PAH: variants seen among roughly 807,000 people sequenced by gnomAD.
PAH encodes the protein phenylalanine-4-hydroxylase.
A neutral mutation model predicts 62.0 loss-of-function variants in PAH; 64 were observed. The observed-to-expected ratio is 1.03, with a 90% CI of 0.84 to 1.27. The LOEUF (loss-of-function observed/expected upper bound fraction) is 1.27, where lower values mean the gene tolerates loss of function less well. Ranked by LOEUF, PAH falls within the 50% of genes most tolerant of loss-of-function variation. The pLI, the probability that PAH is intolerant of heterozygous loss-of-function variation, is 0.00. For missense variants in PAH, 579 were observed against 542.8 expected (o/e 1.07, Z -0.66); for synonymous variants, 195 against 196.2 (o/e 0.99, Z 0.05).
At chr12:102,867,389 GCAGCC>G (rs1876025744) in intron 4 of PAH, among the ~76,000 whole-genome samples, 1 of 152,196 alleles carries the variant, frequency 6.6e-6, no homozygotes, top group African/African-American at 2.4e-5. Flanking sequence ...TGATTCACAG[GCAGCC>G]TTTTCCCAGT....
intron 3 of PAH, among the ~76,000 whole-genome samples, chr12:102,889,013 A>G (rs1196145371): frequency 2.0e-5 from 3 of 152,004 alleles, no homozygotes; most frequent in African/African-American, 7.3e-5. Flanking sequence ...GAAAGGAGAG[A>G]GGAAAGAAAA....
intron 1 of PAH, chr12:102,914,678 C>G (rs1398902073): frequency 1.3e-5 from 2 of 152,204 alleles, no homozygotes; most frequent in East Asian, 3.8e-4. Flanking sequence ...ATTCCTGTCT[C>G]TAGTTCACTT....
rs181001788 is a variant in PAH at position 102,849,849 on chromosome 12, C to T, written c.912+1838G>A. Among the ~76,000 whole-genome samples, 4 of 152,296 alleles carry T rather than the reference C, an allele frequency of 2.6e-5. No homozygotes were observed. In the East Asian group the frequency reaches 7.7e-4, roughly 29 times the overall value. On this transcript the variant is annotated intron_variant, in intron 8 of 12. Transcript: ENST00000553106. Reference sequence around the variant, plus strand: ...TACTGTAGTGGGAAGCAAGTCCTGCCTCTGATCAAAAAGGAATGTTCTCAG... The same window carrying T: ...TACTGTAGTGGGAAGCAAGTCCTGCTTCTGATCAAAAAGGAATGTTCTCAG...
At chr12:102,903,476 A>C (rs1170694181) in intron 2 of PAH, among the ~76,000 whole-genome samples, 2 of 152,208 alleles carry the variant, frequency 1.3e-5, no homozygotes, top group Non-Finnish European at 2.9e-5. Context: ...TGATCATTGA[A>C]TATCTGATGA....
At position 102,858,693 on chromosome 12, in the gene PAH, G is replaced by C. The variant is rs148341326; in HGVS notation, c.510-3361C>G. Among the ~76,000 whole-genome samples, 735 of 152,202 alleles carry C rather than the reference G, an allele frequency of 4.8e-3. 4 individuals are homozygous for C. The highest frequency in any genetic ancestry group is 0.017 in the African/African-American group (707 of 41,534). Reference sequence around the variant, plus strand: ...CTCACTCAAAACCACTCAACTACATGGAAACTGAAGAACCTGCTCCTGAAT... The same window carrying C: ...CTCACTCAAAACCACTCAACTACATCGAAACTGAAGAACCTGCTCCTGAAT... On this transcript the variant is annotated intron_variant, in intron 5 of 12. Coordinates refer to ENST00000553106, the MANE Select transcript of PAH (RefSeq NM_000277.3).
At chr12:102,882,190 G>C (rs1876838177) in intron 3 of PAH, among the ~76,000 whole-genome samples, 1 of 152,128 alleles carries the variant, frequency 6.6e-6, no homozygotes, top group Non-Finnish European at 1.5e-5. Context: ...CTAGACCCCA[G>C]AGGGAAGACC....
At chr12:102,907,846 G>A (rs1878037934) in intron 2 of PAH, among the ~76,000 whole-genome samples, 1 of 152,018 alleles carries the variant, frequency 6.6e-6, no homozygotes, top group African/African-American at 2.4e-5. Flanking sequence ...TTGAACTCCT[G>A]GCCTCAAGTG....
chr12:102,845,890 G>A (rs1220886321), intron 9 of PAH, among the ~76,000 whole-genome samples: 1 of 152,172 alleles, frequency 6.6e-6, no homozygotes, highest in African/African-American at 2.4e-5. Context: ...TCGCATTGGT[G>A]ATAAGTCATT....
chr12:102,899,298 A>G (rs1386525376), intron 2 of PAH, among the ~76,000 whole-genome samples: 1 of 152,158 alleles, frequency 6.6e-6, no homozygotes, highest in Non-Finnish European at 1.5e-5. Context: ...GGAGGGGAGC[A>G]AAGAAGAAGT....
intron 3 of PAH, among the ~76,000 whole-genome samples, chr12:102,889,369 C>T (rs1444472696): frequency 6.6e-6 from 1 of 151,948 alleles, no homozygotes; most frequent in African/African-American, 2.4e-5. Flanking sequence ...TTGCTTTTGT[C>T]TTCTCACAGT....
At chr12:102,869,397 C>A (rs1369512688) in intron 4 of PAH, among the ~76,000 whole-genome samples, 7 of 152,112 alleles carry the variant, frequency 4.6e-5, no homozygotes, top group African/African-American at 1.7e-4. Context: ...ACAAGTGTTA[C>A]CTCCAGGTAG....
chr12:102,937,760 G>A (rs1879154225), intron 1 of PAH, among the ~76,000 whole-genome samples: 1 of 152,076 alleles, frequency 6.6e-6, no homozygotes, highest in South Asian at 2.1e-4. Flanking sequence ...AGTATTACCA[G>A]TAAGTTTTTC....
At chr12:102,870,934 G>A (rs1265595909) in intron 4 of PAH, among the ~76,000 whole-genome samples, 1 of 152,148 alleles carries the variant, frequency 6.6e-6, no homozygotes, top group African/African-American at 2.4e-5. Context: ...CATAAGCCAG[G>A]AGTTATTGTT....
At chr12:102,891,989 A>C (rs1173145775) in intron 3 of PAH, among the ~76,000 whole-genome samples, 2 of 152,154 alleles carry the variant, frequency 1.3e-5, no homozygotes, top group African/African-American at 4.8e-5. Flanking sequence ...GGCCGGAAAA[A>C]AGCAAGGGAG....
At chr12:102,877,440 A>T (rs770251826) in intron 4 of PAH, 22 bp downstream of exon 4, 1 of 1,584,846 alleles carries the variant, frequency 6.3e-7, no homozygotes, top group Non-Finnish European at 8.7e-7. Context: ...AAAAAATCTC[A>T]TCCTACGGGC....
intron 5 of PAH, among the ~76,000 whole-genome samples, chr12:102,863,450 C>G (rs1420357609): frequency 6.6e-6 from 1 of 152,146 alleles, no homozygotes; most frequent in Non-Finnish European, 1.5e-5. Context: ...AGACTCCACT[C>G]CTACCTTCAG....
upstream of PAH, among the ~76,000 whole-genome samples, chr12:102,919,878 G>A (rs980694105): frequency 3.9e-5 from 6 of 152,016 alleles, no homozygotes; most frequent in Non-Finnish European, 7.4e-5. Flanking sequence ...TCCAGATCTT[G>A]GCTATTGTGA....
At chr12:102,952,499 T>C (rs192408263), upstream of PAH, among the ~76,000 whole-genome samples, 97 of 152,314 alleles carry the variant, frequency 6.4e-4, no homozygotes, top group African/African-American at 2.3e-3. Flanking sequence ...TAACAAATCC[T>C]ACAAAAGTTT....
At chr12:102,853,826 G>C (rs1342827508) in intron 6 of PAH, among the ~76,000 whole-genome samples, 1 of 152,102 alleles carries the variant, frequency 6.6e-6, no homozygotes, top group African/African-American at 2.4e-5. Flanking sequence ...AGCTACTTTA[G>C]ATATGCTACT....
Sources: gnomAD v4.1 joint callset for allele counts (sites outside exome capture counted in the v4.1 genomes callset) on GRCh38, gnomAD v4.1.1 for gene constraint, MANE v1.5 for transcripts, NCBI Gene and HGNC (gene_info 2026-07-23, HGNC 2026-07-21) for gene names.